Variants in MGAT4C observed in about 807,000 individuals in gnomAD.
MGAT4C encodes the protein MGAT4 family member C, also known as alpha-1,3-mannosyl-glycoprotein 4-beta-N-acetylglucosaminyltransferase C.
MGAT4C carries 19 observed loss-of-function variants against 40.1 expected under a neutral mutation model. The ratio of observed to expected loss-of-function variants is 0.47; its 90% CI spans 0.33 to 0.70. The LOEUF is 0.70. Ranked by LOEUF, MGAT4C falls within the 30% of genes least tolerant of loss-of-function variation. MGAT4C has a pLI of 0.02. For missense variants in MGAT4C, 491 were observed against 563.2 expected (o/e 0.87, Z 1.30); for synonymous variants, 181 against 187.1 (o/e 0.97, Z 0.27).
intron 2 of MGAT4C, among the ~76,000 whole-genome samples, chr12:86,629,719 C>A (rs965381847): frequency 2.6e-5 from 4 of 152,208 alleles, no homozygotes; most frequent in East Asian, 1.9e-4. Flanking sequence ...AACAAAGACA[C>A]AACATACCAG....
chr12:86,617,549 G>A (rs912945950), intron 2 of MGAT4C, among the ~76,000 whole-genome samples: 1 of 152,094 alleles, frequency 6.6e-6, no homozygotes, highest in Non-Finnish European at 1.5e-5. Flanking sequence ...TTAGCCAGGC[G>A]TGGTGGCAGA....
chr12:86,337,924 CCAAT>C (rs1954824447), intron 3 of MGAT4C, among the ~76,000 whole-genome samples: 1 of 152,038 alleles, frequency 6.6e-6, no homozygotes. Context: ...TTTAATCAAG[CCAAT>C]CAATCGAGTG....
chr12:86,515,636 A>G (rs1002981911), intron 2 of MGAT4C, among the ~76,000 whole-genome samples: 2 of 152,194 alleles, frequency 1.3e-5, no homozygotes, highest in African/African-American at 4.8e-5. Flanking sequence ...AACATCACTG[A>G]AAAAGTTAAG....
chr12:86,499,269 G>C (rs1958294059), intron 2 of MGAT4C, among the ~76,000 whole-genome samples: 1 of 151,510 alleles, frequency 6.6e-6, no homozygotes, highest in East Asian at 1.9e-4. Flanking sequence ...ATATTTATGT[G>C]TGTGTGTGTA....
At position 85,980,311 on chromosome 12, in the gene MGAT4C, C is replaced by T; in HGVS notation, c.415G>A (p.Val139Ile). 1.9e-6 allele frequency: 3 copies of T among 1,613,896 alleles called. No individual in the cohort carries two copies. The highest frequency in any genetic ancestry group is 2.5e-6 in the Non-Finnish European group (3 of 1,179,884). The stretch of plus-strand genomic sequence containing the variant: ...GAAGAATTAAAGTCTGCTAGGTGAA[C>T]CACCACTGAAATTTCCTTCAGCTCT... ...YEELKEISVV[V>I]HLADFNSSWR... The change falls in exon 5 of 5, where the codon GTT becomes ATT. Residue 139 changes from valine (V) to isoleucine (I), a missense_variant. Physicochemically the swap from Val to Ile is conservative, Grantham distance 29 (BLOSUM62 3). Coordinates refer to ENST00000611864, the MANE Select transcript of MGAT4C (RefSeq NM_001351288.2).
chr12:86,028,047 G>A (rs1256126447), intron 2 of MGAT4C: 1 of 1,043,330 alleles, frequency 9.6e-7, no homozygotes, highest in African/African-American at 1.7e-5. Context: ...ATCTAGTCAA[G>A]AAAGTATCAA....
At chr12:86,714,095 A>G (rs924257616) in intron 2 of MGAT4C, among the ~76,000 whole-genome samples, 2 of 152,198 alleles carry the variant, frequency 1.3e-5, no homozygotes, top group African/African-American at 4.8e-5. Context: ...TTTTATAGAA[A>G]GCTAAATCTG....
At chr12:86,548,222 G>A (rs1453478952) in intron 2 of MGAT4C, among the ~76,000 whole-genome samples, 1 of 151,996 alleles carries the variant, frequency 6.6e-6, no homozygotes, top group African/African-American at 2.4e-5. Flanking sequence ...GTCAAAGTAA[G>A]AAACTGAAGA....
chr12:86,782,348 A>ATT (rs1294802178), intron 1 of MGAT4C, among the ~76,000 whole-genome samples: 1 of 151,416 alleles, frequency 6.6e-6, no homozygotes, highest in Non-Finnish European at 1.5e-5. Flanking sequence ...CGCCCGGCTA[A>ATT]TTTTTTGTAT....
At chr12:85,985,461 T>A (rs1433460176) in intron 3 of MGAT4C, among the ~76,000 whole-genome samples, 1 of 152,206 alleles carries the variant, frequency 6.6e-6, no homozygotes, top group Non-Finnish European at 1.5e-5. Context: ...TATCCAAGTA[T>A]GTTTATAAAT....
chr12:86,315,167 A>G lies in MGAT4C; in HGVS notation c.-57+18898T>C, dbSNP rs1372166346. ...ATGATACTGGTGCAAAAATAGACACATAGACCAACGAAACAGAATGGAGAA... is the reference window on the plus strand; with the variant it reads ...ATGATACTGGTGCAAAAATAGACACGTAGACCAACGAAACAGAATGGAGAA... On this transcript the variant is annotated intron_variant, in intron 4 of 7. Coordinates refer to the MGAT4C transcript ENST00000548651. Among the ~76,000 whole-genome samples the G allele has an allele frequency of 3.9e-5, 6 of 152,306 alleles. No individual in the cohort carries two copies. The East Asian group carries it at 1.2e-3, about 29-fold the overall frequency.
intron 2 of MGAT4C, among the ~76,000 whole-genome samples, chr12:86,698,286 A>T (rs1950295528): frequency 6.6e-6 from 1 of 152,124 alleles, no homozygotes; most frequent in Non-Finnish European, 1.5e-5. Flanking sequence ...CCAATATACA[A>T]GTAAAAAATA....
At position 86,442,965 on chromosome 12, in the gene MGAT4C, G is replaced by A. The variant is rs536299966; in HGVS notation, c.-228-7700C>T. On this transcript the variant is annotated intron_variant, in intron 2 of 7. Coordinates refer to the MGAT4C transcript ENST00000548651. The stretch of plus-strand genomic sequence containing the variant: ...GGCTCAGATAATACTCAAGTTTTTA[G>A]CGATAAGGTATTTTTAAATTAAGTT... Among the ~76,000 whole-genome samples the A allele has an allele frequency of 1.8e-4, 28 of 152,146 alleles. No individual in the cohort carries two copies. The South Asian group carries it at 5.8e-3, about 32-fold the overall frequency.
intron 2 of MGAT4C, among the ~76,000 whole-genome samples, chr12:86,514,967 A>T (rs1184980301): frequency 6.6e-6 from 1 of 152,234 alleles, no homozygotes; most frequent in Non-Finnish European, 1.5e-5. Context: ...GGAGAAATTA[A>T]AACATGCATT....
At chr12:86,339,813 C>G (rs1033007813) in intron 3 of MGAT4C, among the ~76,000 whole-genome samples, 3 of 152,100 alleles carry the variant, frequency 2.0e-5, no homozygotes, top group Non-Finnish European at 4.4e-5. Flanking sequence ...TTTTCTTTTC[C>G]TCAAGTACGC....
chr12:86,769,732 G>A (rs1951593154), intron 1 of MGAT4C, among the ~76,000 whole-genome samples: 1 of 151,978 alleles, frequency 6.6e-6, no homozygotes, highest in Admixed American at 6.6e-5. Context: ...GGATGAAATT[G>A]GAAATCATCA....
At position 86,516,947 on chromosome 12, in the gene MGAT4C, A is replaced by T. The variant is rs184759286; in HGVS notation, c.-228-81682T>A. Among the ~76,000 whole-genome samples, 361 of 152,312 alleles carry T rather than the reference A, an allele frequency of 2.4e-3. 1 individual carries two copies. The highest frequency in any genetic ancestry group is 7.1e-3 in the African/African-American group (296 of 41,572). ...AATGTCAATAAGCACAAGACAAAAG[A>T]GCAGCATCATTAGTCATTTGAGAGA... On this transcript the variant is annotated intron_variant, in intron 2 of 7. Coordinates refer to the MGAT4C transcript ENST00000548651.
chr12:86,449,746 G>T (rs1206569629), intron 2 of MGAT4C, among the ~76,000 whole-genome samples: 1 of 152,092 alleles, frequency 6.6e-6, no homozygotes, highest in African/African-American at 2.4e-5. Flanking sequence ...CCATGTAGTA[G>T]CCATTTGAGC....
chr12:86,443,718 C>T (rs1957279161), intron 2 of MGAT4C, among the ~76,000 whole-genome samples: 1 of 152,094 alleles, frequency 6.6e-6, no homozygotes, highest in South Asian at 2.1e-4. Context: ...CTCAGCCTCC[C>T]GAGTAGCTGG....
Sources: allele counts gnomAD v4.1 joint callset (sites outside exome capture counted in the v4.1 genomes callset), GRCh38; gene constraint gnomAD v4.1.1; transcripts MANE v1.5; gene names NCBI Gene and HGNC (gene_info 2026-07-23, HGNC 2026-07-21).